The following F5 variants were observed in gnomAD, a reference collection of about 807,000 sequenced individuals.
The protein encoded by F5 is activated protein c cofactor.
F5 carries 138 observed loss-of-function variants against 216.4 expected under a neutral mutation model. The observed-to-expected ratio is 0.64, with a 90% CI of 0.56 to 0.73. The LOEUF (loss-of-function observed/expected upper bound fraction) is 0.73, where lower values mean the gene tolerates loss of function less well. Ranked by LOEUF, F5 falls within the 30% of genes least tolerant of loss-of-function variation. F5 has a pLI of 0.00. For missense variants in F5, 2,403 were observed against 2,674.0 expected, an observed-to-expected ratio of 0.90 and a Z score of 2.24; for synonymous variants, 916 against 930.7, an observed-to-expected ratio of 0.98 and a Z score of 0.29.
At chr1:169,523,448 G>A in intron 20 of F5, 96 bp from the exon 21 acceptor site, 1 of 1,408,788 alleles carries the variant, frequency 7.1e-7, no homozygotes, top group Non-Finnish European at 9.9e-7. Context: ...CAGAACTAAA[G>A]AGCTAGCACA....
chr1:169,517,314 A>G (rs1659182184), intron 23 of F5, among the ~76,000 whole-genome samples: 1 of 152,186 alleles, frequency 6.6e-6, no homozygotes, highest in Non-Finnish European at 1.5e-5. Context: ...CTACTGTAAC[A>G]TTCTGTGATT....
At chr1:169,560,431 G>C in intron 4 of F5, 123 bp downstream of exon 4, 1 of 863,050 alleles carries the variant, frequency 1.2e-6, no homozygotes, top group Non-Finnish European at 1.9e-6. Flanking sequence ...TCTGGTCTCC[G>C]TGCCGTCTTC....
At chr1:169,535,457 G>A (rs1659682892) in intron 14 of F5, among the ~76,000 whole-genome samples, 1 of 152,130 alleles carries the variant, frequency 6.6e-6, no homozygotes, top group Non-Finnish European at 1.5e-5. Flanking sequence ...TTGTATAGTG[G>A]TGAAGTCTAG....
intron 7 of F5, 109 bp from the exon 8 acceptor site, chr1:169,552,843 A>G (rs922197418): frequency 3.0e-5 from 24 of 806,244 alleles, no homozygotes; most frequent in Non-Finnish European, 3.2e-5. Context: ...CTAACATACT[A>G]GTTCTCTAAA....
intron 16 of F5, among the ~76,000 whole-genome samples, chr1:169,528,528 G>C: frequency 6.6e-6 from 1 of 152,186 alleles, no homozygotes; most frequent in East Asian, 1.9e-4. Context: ...TAAATTCAGA[G>C]AAAGTTTCAG....
intron 3 of F5, among the ~76,000 whole-genome samples, chr1:169,562,193 C>A (rs1660499242): frequency 6.6e-6 from 1 of 152,146 alleles, no homozygotes; most frequent in African/African-American, 2.4e-5. Context: ...CCATTTGTAG[C>A]CAATGCCCTC....
At chr1:169,543,707 C>T (rs1659930077) in intron 12 of F5, among the ~76,000 whole-genome samples, 1 of 152,130 alleles carries the variant, frequency 6.6e-6, no homozygotes, top group Non-Finnish European at 1.5e-5. Flanking sequence ...CAATAGTTAC[C>T]ATTGTTGGTG....
At chr1:169,584,706 G>T (rs1366483962) in intron 1 of F5, among the ~76,000 whole-genome samples, 3 of 152,204 alleles carry the variant, frequency 2.0e-5, no homozygotes, top group African/African-American at 7.2e-5. Context: ...TAAGCAGCCA[G>T]ATATATGGAT....
At chr1:169,555,572 T>A (rs1187314997) in intron 6 of F5, among the ~76,000 whole-genome samples, 1 of 137,904 alleles carries the variant, frequency 7.3e-6, no homozygotes, top group African/African-American at 3.0e-5. Context: ...AGGGAAAAAA[T>A]TTGGAAAGAT....
chr1:169,584,534 C>G (rs893431904), intron 1 of F5, among the ~76,000 whole-genome samples: 1 of 152,052 alleles, frequency 6.6e-6, no homozygotes, highest in Non-Finnish European at 1.5e-5. Context: ...TACATTTTAC[C>G]TTTAAAAGGC....
At chr1:169,516,476 A>G in intron 23 of F5, among the ~76,000 whole-genome samples, 1 of 152,226 alleles carries the variant, frequency 6.6e-6, no homozygotes, top group East Asian at 1.9e-4. Context: ...ATGTGTATAT[A>G]TAGGTGTATG....
At chr1:169,529,977 T>C (rs1659554543) in intron 15 of F5, among the ~76,000 whole-genome samples, 159 bp from the exon 16 acceptor site, 1 of 152,196 alleles carries the variant, frequency 6.6e-6, no homozygotes, top group Non-Finnish European at 1.5e-5. Flanking sequence ...ATTTATCACC[T>C]AATTCTGTTG....
chr1:169,522,989 G>A (rs1030466920), intron 21 of F5, among the ~76,000 whole-genome samples: 1 of 151,092 alleles, frequency 6.6e-6, no homozygotes, highest in Non-Finnish European at 1.5e-5. Flanking sequence ...GTGGGGTTTT[G>A]AAGTTTCAGT....
rs777018858 is a variant in F5 at position 169,550,621 on chromosome 1, AG to A, written c.1396+18del. 1.2e-5 allele frequency: 19 copies of A among 1,587,246 alleles called. No homozygotes were observed. The African/African-American group carries it at 2.6e-4, about 21-fold the overall frequency. Reference sequence around the variant, plus strand: ...TCAGAAGTTACTAGTTGGATTCAGTAGAAGTGAAAGATTCAAACCTGAGGTG... The same window carrying A: ...TCAGAAGTTACTAGTTGGATTCAGTAAAGTGAAAGATTCAAACCTGAGGTG... On this transcript the variant is annotated intron_variant, in intron 9 of 24. Coordinates refer to ENST00000367797, the MANE Select transcript of F5 (RefSeq NM_000130.5).
chr1:169,514,586 C>T, intron 24 of F5, 127 bp from the exon 25 acceptor site: 1 of 764,708 alleles, frequency 1.3e-6, no homozygotes, highest in Admixed American at 2.3e-5. Flanking sequence ...AGTCATGGCT[C>T]ACTGCAGCCT....
At chr1:169,548,296 A>T (rs936603990) in intron 10 of F5, among the ~76,000 whole-genome samples, 1 of 152,116 alleles carries the variant, frequency 6.6e-6, no homozygotes, top group African/African-American at 2.4e-5. Context: ...TCCATGACAC[A>T]TGTTTACCTA....
chr1:169,543,413 G>A lies in F5; in HGVS notation c.1976-299C>T, dbSNP rs6662696. On this transcript the variant is annotated intron_variant, in intron 12 of 24. Coordinates refer to ENST00000367797, the MANE Select transcript of F5 (RefSeq NM_000130.5). ...GCTTAACAGAATAAAAAACAAAAGT[G>A]TTGCTTAGTGGAGATTAGAGGGGAA... Among the ~76,000 whole-genome samples, 37,286 of 151,884 alleles carry A rather than the reference G, an allele frequency of 0.25. 4,740 individuals carry two copies. Among genetic ancestry groups the A allele is most frequent in the Admixed American group, 0.34 (5,226 of 15,188 alleles).
intron 13 of F5, among the ~76,000 whole-genome samples, chr1:169,537,085 T>A (rs1659721441): frequency 6.6e-6 from 1 of 152,146 alleles, no homozygotes; most frequent in Non-Finnish European, 1.5e-5. Context: ...TGCCATGAGG[T>A]CAGCCATTGT....
chr1:169,550,706 T>A lies in F5; in HGVS notation c.1330A>T (p.Ser444Cys). 6.2e-7 allele frequency: 1 copy of A among 1,614,096 alleles called. No individual in the cohort carries two copies. The change falls in exon 9 of 25, where the codon AGC (serine) becomes TGC (cysteine). Residue 444 changes from serine to cysteine, a missense_variant. Ser to Cys is a moderately radical substitution (Grantham distance 112). Coordinates refer to ENST00000367797, the MANE Select transcript of F5 (RefSeq NM_000130.5). ...AAGGTCACTCCATGAGGGTAAATGCTATAGGGGCGGCTGGCCATATTTTTG... is the reference window on the plus strand; with the variant it reads ...AAGGTCACTCCATGAGGGTAAATGCAATAGGGGCGGCTGGCCATATTTTTG... ...VFKNMASRPY[S>C]IYPHGVTFSP...
Sources: allele counts gnomAD v4.1 joint callset (sites outside exome capture counted in the v4.1 genomes callset), GRCh38; gene constraint gnomAD v4.1.1; transcripts MANE v1.5; gene names NCBI Gene and HGNC (gene_info 2026-07-23, HGNC 2026-07-21).